CHEK1: variants seen among roughly 807,000 people sequenced by gnomAD.
CHEK1 encodes serine/threonine-protein kinase Chk1.
A neutral mutation model predicts 60.2 loss-of-function variants in CHEK1; 32 were observed. The observed-to-expected ratio is 0.53, with a 90% CI of 0.40 to 0.71. The LOEUF (loss-of-function observed/expected upper bound fraction) is 0.71, where lower values mean the gene tolerates loss of function less well. Ranked by LOEUF, CHEK1 falls within the 30% of genes least tolerant of loss-of-function variation. CHEK1 has a pLI of 0.00. For missense variants in CHEK1, 399 were observed against 564.6 expected (o/e 0.71, Z 2.97); for synonymous variants, 179 against 187.2 (o/e 0.96, Z 0.36).
In CHEK1 at chr11:125,625,535, T is replaced by C. The variant is rs1357693433; in HGVS notation, c.-498T>C. The C allele has an allele frequency of 1.5e-5, 8 of 535,634 alleles. No homozygotes were observed. The highest frequency in any genetic ancestry group is 2.3e-5 in the Non-Finnish European group (7 of 299,750). The allele number at this position is 535,634 out of a possible 1,614,324, so 33.2% of individuals were successfully genotyped here. On this transcript the variant is annotated 5_prime_UTR_variant, in exon 1 of 13. Coordinates refer to ENST00000438015, the MANE Select transcript of CHEK1 (RefSeq NM_001114122.3). ...AAGCACTCTGCTTCACCGACTGTGA[T>C]CCTCACAGTCCTGTCCGGTGGCCTC...
rs1048183188 is a variant in CHEK1, at chr11:125,656,469, A to G, written c.*1149A>G. 1 of 215,076 alleles carries G rather than the reference A, an allele frequency of 4.6e-6. No homozygotes were observed. Among genetic ancestry groups the G allele is most frequent in the African/African-American group, 2.3e-5 (1 of 44,328 alleles). The allele number at this position is 215,076 out of a possible 1,614,324, so 13.3% of individuals were successfully genotyped here. Reference sequence around the variant, plus strand: ...ATCACATATTAATGTATACTGGCAAATTGTGTTACTGGAGTATACCCATAG... The same window carrying G: ...ATCACATATTAATGTATACTGGCAAGTTGTGTTACTGGAGTATACCCATAG... On this transcript the variant is annotated 3_prime_UTR_variant, in exon 13 of 13. Transcript: ENST00000438015.
At chr11:125,665,756 T>G (rs941423732) in intron 13 of CHEK1, among the ~76,000 whole-genome samples, 10 of 151,952 alleles carry the variant, frequency 6.6e-5, no homozygotes, top group African/African-American at 2.4e-4. Flanking sequence ...CTTTTCCAAT[T>G]TTTTGGCATA....
intron 13 of CHEK1, among the ~76,000 whole-genome samples, chr11:125,673,100 T>C (rs1261813374): frequency 6.6e-6 from 1 of 151,992 alleles, no homozygotes; most frequent in African/African-American, 2.4e-5. Context: ...TGCCGAAACC[T>C]CTCTCAAAAG....
At chr11:125,647,285 A>T (rs1468003607) in intron 11 of CHEK1, among the ~76,000 whole-genome samples, 2 of 152,070 alleles carry the variant, frequency 1.3e-5, no homozygotes, top group Non-Finnish European at 2.9e-5. Context: ...TTTGTTGAAA[A>T]TAAATAGGTC....
chr11:125,634,954 G>A (rs1019006421), intron 6 of CHEK1, among the ~76,000 whole-genome samples: 3 of 132,210 alleles, frequency 2.3e-5, no homozygotes, highest in Non-Finnish European at 4.9e-5. Flanking sequence ...TGATTCATCT[G>A]TTTTTTGGTT....
intron 1 of CHEK1, 124 bp downstream of exon 1, chr11:125,626,136 C>T (rs1435616981): frequency 1.6e-6 from 1 of 614,726 alleles, no homozygotes; most frequent in Non-Finnish European, 2.9e-6. Flanking sequence ...TGGAGAGACT[C>T]CTGCGGAGGG....
chr11:125,665,157 C>A (rs184302853), intron 13 of CHEK1, among the ~76,000 whole-genome samples: 1 of 149,690 alleles, frequency 6.7e-6, no homozygotes, highest in African/African-American at 2.4e-5. Context: ...ATTCCAGTAT[C>A]GGTCTGTTTT....
intron 13 of CHEK1, among the ~76,000 whole-genome samples, chr11:125,663,494 A>G (rs1225609346): frequency 1.3e-5 from 2 of 152,002 alleles, no homozygotes; most frequent in East Asian, 3.8e-4. Flanking sequence ...ATTAGAGAGC[A>G]GTTTTTATTT....
chr11:125,644,585 G>C lies in CHEK1; in HGVS notation c.1175G>C (p.Cys392Ser). ...TKLDADKSYQ[C>S]LKETCEKLGY... Reference sequence around the variant, plus strand: ...TTGGATGCAGACAAATCTTATCAATGCCTGAAAGAGACTTGTGAGAAGTTG... The same window carrying C: ...TTGGATGCAGACAAATCTTATCAATCCCTGAAAGAGACTTGTGAGAAGTTG... The change falls in exon 11 of 13, where the codon TGC becomes TCC. Residue 392 changes from cysteine (C) to serine (S), a missense_variant. Cys to Ser is a moderately radical substitution (Grantham distance 112). Around this residue, in one of 2 missense-constraint regions of CHEK1, gnomAD observed 370 missense variants for 494.8 expected, o/e 0.75. Transcript: ENST00000438015. 6.2e-7 allele frequency: 1 copy of C among 1,614,098 alleles called. No individual in the cohort carries two copies. The highest frequency in any genetic ancestry group is 8.5e-7 in the Non-Finnish European group (1 of 1,180,010).
chr11:125,629,744 T>C (rs1940790934), intron 5 of CHEK1, among the ~76,000 whole-genome samples: 1 of 150,642 alleles, frequency 6.6e-6, no homozygotes, highest in Non-Finnish European at 1.5e-5. Context: ...TTTTTTTTGA[T>C]ACAGGCTCAC....
At chr11:125,643,743 A>G (rs935576649) in intron 8 of CHEK1, 49 bp from the exon 9 acceptor site, 3 of 1,439,726 alleles carry the variant, frequency 2.1e-6, no homozygotes, top group Non-Finnish European at 2.9e-6. Context: ...ATTTAAAAAC[A>G]TACTTGCATA....
At chr11:125,655,169 G>T in intron 12 of CHEK1, 56 bp from the exon 13 acceptor site, 1 of 1,313,976 alleles carries the variant, frequency 7.6e-7, no homozygotes, top group Non-Finnish European at 1.1e-6. Context: ...TTTTAGGACA[G>T]AATTTTGTTT....
chr11:125,634,634 C>T lies in CHEK1; in HGVS notation c.614-795C>T, dbSNP rs538435468. 2.7e-4 allele frequency among the ~76,000 whole-genome samples: 40 copies of T among 149,128 alleles called. No individual in the cohort carries two copies. The South Asian group carries it at 3.0e-3, about 11-fold the overall frequency. On this transcript the variant is annotated intron_variant, in intron 6 of 12. Transcript: ENST00000438015. ...TGCCCTATAAAGATACAATATTGTC[C>T]GGGCACACAAGCCCTTATTAGACAT...
At chr11:125,665,149 T>TCCA (rs1942076271) in intron 13 of CHEK1, among the ~76,000 whole-genome samples, 2 of 152,084 alleles carry the variant, frequency 1.3e-5, no homozygotes. Context: ...GTATCTGTAT[T>TCCA]CCAGTATCGG....
Position 125,644,215 on chromosome 11 carries a change from C to T in CHEK1, c.1048C>T (p.Pro350Ser), listed in dbSNP as rs775766777. The change falls in exon 10 of 13, where the codon CCT becomes TCT. Residue 350 changes from proline to serine, a missense_variant. Pro to Ser is a moderately conservative substitution (Grantham distance 74). Transcript: ENST00000438015. Reference sequence around the variant, plus strand: ...GATCAGCTTTTCCCAGCCCACATGTCCTGATCATATGCTTTTGAATAGTCA... The same window carrying T: ...GATCAGCTTTTCCCAGCCCACATGTTCTGATCATATGCTTTTGAATAGTCA... ...QGISFSQPTC[P>S]DHMLLNSQLL... 9 of 1,614,028 alleles carry T rather than the reference C, an allele frequency of 5.6e-6. No homozygotes were observed. Among genetic ancestry groups the T allele is most frequent in the Non-Finnish European group, 6.8e-6 (8 of 1,180,034 alleles).
rs550222885 is a variant in CHEK1 at position 125,637,066 on chromosome 11, A to G, written c.719-383A>G. On this transcript the variant is annotated intron_variant, in intron 7 of 12. Coordinates refer to ENST00000438015, the MANE Select transcript of CHEK1 (RefSeq NM_001114122.3). ...GTCTCTTAAAAAGTTATTGGTAAGT[A>G]AATGTTCATTATAAAACTGTGTGAA... 5.9e-5 allele frequency among the ~76,000 whole-genome samples: 9 copies of G among 152,342 alleles called. No individual in the cohort carries two copies. In the South Asian group the frequency reaches 1.9e-3, roughly 32 times the overall value.
intron 1 of CHEK1, chr11:125,626,482 TAAC>T (rs1186052800): frequency 4.0e-6 from 2 of 504,758 alleles, no homozygotes; most frequent in South Asian, 2.8e-5. Context: ...CACCTCTTCA[TAAC>T]AACAATTAAT....
chr11:125,657,187 T>TTTTGTGTGTGTG (rs140073080), downstream of CHEK1: 54 of 147,214 alleles, frequency 3.7e-4, no homozygotes, highest in Middle Eastern at 3.2e-3. Context: ...CAACCTATGC[T>TTTTGTGTGTGTG]TGTGTGTGTG....
At chr11:125,649,152 T>G (rs1044906161) in intron 11 of CHEK1, among the ~76,000 whole-genome samples, 1 of 152,164 alleles carries the variant, frequency 6.6e-6, no homozygotes, top group African/African-American at 2.4e-5. Context: ...TGTTAGTATA[T>G]CCACATCAGC....
Sources: gnomAD v4.1 joint callset for allele counts (sites outside exome capture counted in the v4.1 genomes callset) on GRCh38, gnomAD v4.1.1 for gene constraint, gnomAD v4.1.1 regional missense constraint, MANE v1.5 for transcripts, NCBI Gene and HGNC (gene_info 2026-07-23, HGNC 2026-07-21) for gene names.